RNF19B: variants seen among roughly 807,000 people sequenced by gnomAD.
RNF19B encodes ring finger protein 19B.
Under a neutral mutation model 65.5 loss-of-function variants are expected in RNF19B, and 23 were observed. The ratio of observed to expected loss-of-function variants is 0.35; its 90% confidence interval spans 0.25 to 0.50. RNF19B has a LOEUF of 0.50. Ranked by LOEUF, RNF19B falls within the 20% of genes least tolerant of loss-of-function variation. RNF19B has a pLI of 0.98. For synonymous variants in RNF19B, 372 were observed against 379.6 expected (o/e 0.98, Z 0.23); for missense variants, 794 against 980.0 (o/e 0.81, Z 2.53).
At chr1:32,950,708 TG>T (rs201859938) in intron 1 of RNF19B, among the ~76,000 whole-genome samples, 299 of 152,146 alleles carry the variant, frequency 2.0e-3, no homozygotes, top group African/African-American at 6.9e-3. Flanking sequence ...GGCTAATTTT[TG>T]TAATTTGCAT....
chr1:32,931,831 A>T (rs1358560565), downstream of RNF19B, among the ~76,000 whole-genome samples: 1 of 152,166 alleles, frequency 6.6e-6, no homozygotes, highest in Non-Finnish European at 1.5e-5. Context: ...CAGCCCTTTG[A>T]GGTGCCAACG....
At chr1:32,958,664 C>G (rs745334395) in intron 1 of RNF19B, among the ~76,000 whole-genome samples, 1 of 151,390 alleles carries the variant, frequency 6.6e-6, no homozygotes, top group Admixed American at 6.6e-5. Flanking sequence ...TGCAGTGAGC[C>G]GAGATTGCAC....
At chr1:32,935,276 TAC>T (rs1328531649), downstream of RNF19B, among the ~76,000 whole-genome samples, 2 of 152,042 alleles carry the variant, frequency 1.3e-5, no homozygotes, top group African/African-American at 4.8e-5. Context: ...TAGCTGGAAT[TAC>T]AGACACATGC....
At chr1:32,935,131 ATTATTTTATTTT>A (rs1298461176), downstream of RNF19B, among the ~76,000 whole-genome samples, 1 of 149,192 alleles carries the variant, frequency 6.7e-6, no homozygotes, top group Non-Finnish European at 1.5e-5. Context: ...CGCCCAGCCC[ATTATTTTATTTT>A]TTATTTTATT....
chr1:32,951,996 A>G (rs1449414798), intron 1 of RNF19B, among the ~76,000 whole-genome samples: 1 of 133,508 alleles, frequency 7.5e-6, no homozygotes, highest in Non-Finnish European at 1.6e-5. Context: ...ACAGGGCTTC[A>G]CCATGTTGGC....
chr1:32,958,861 T>A (rs1355473156), intron 1 of RNF19B, among the ~76,000 whole-genome samples: 1 of 152,094 alleles, frequency 6.6e-6, no homozygotes, highest in Non-Finnish European at 1.5e-5. Context: ...GTGATACAGA[T>A]GTTCTCCTTT....
At chr1:32,935,240 C>T (rs1424073453), downstream of RNF19B, among the ~76,000 whole-genome samples, 11 of 148,980 alleles carry the variant, frequency 7.4e-5, no homozygotes, top group South Asian at 1.9e-3. Context: ...CAGGTTCAAG[C>T]GATTCTCCTG....
intron 1 of RNF19B, among the ~76,000 whole-genome samples, chr1:32,956,583 T>A (rs890659220): frequency 4.6e-5 from 7 of 151,952 alleles, no homozygotes; most frequent in Admixed American, 2.0e-4. Flanking sequence ...CTCAAAAAAA[T>A]AAAAAATAAT....
In RNF19B at chr1:32,964,772, G is replaced by T. The variant is rs573221272; in HGVS notation, c.-87C>A. 8.2e-6 allele frequency: 10 copies of T among 1,217,308 alleles called. No homozygotes were observed. The African/African-American group carries it at 1.5e-4, about 18-fold the overall frequency. The allele number at this position is 1,217,308 out of a possible 1,614,324, so 75.4% of individuals were successfully genotyped here. On this transcript the variant is annotated 5_prime_UTR_variant, in exon 1 of 9. Transcript: ENST00000235150. This position sits in a 1 kb window ranked among gnomAD's most constrained non-coding sequence, Gnocchi z 6.5. Reference sequence around the variant, plus strand: ...CCTCAGCCAGCGCCCGGCCGCCGCCGACGCCGCCACCACCGCCTCAACCGC... The same window carrying T: ...CCTCAGCCAGCGCCCGGCCGCCGCCTACGCCGCCACCACCGCCTCAACCGC...
chr1:32,953,430 C>T (rs1642558581), intron 1 of RNF19B, among the ~76,000 whole-genome samples: 1 of 152,054 alleles, frequency 6.6e-6, no homozygotes, highest in Admixed American at 6.6e-5. Flanking sequence ...CTACAGTTTG[C>T]TTGTTTATTT....
chr1:32,950,745 C>G (rs1207993083), intron 1 of RNF19B, among the ~76,000 whole-genome samples: 1 of 151,960 alleles, frequency 6.6e-6, no homozygotes, highest in Non-Finnish European at 1.5e-5. Context: ...CCCCATTGCC[C>G]AGGCTGGTCG....
At chr1:32,929,828 C>G in the RNF19B span, among the ~76,000 whole-genome samples, 1 of 152,138 alleles carries the variant, frequency 6.6e-6, no homozygotes, top group East Asian at 1.9e-4. Context: ...ATCACTACAG[C>G]TCTGTTGCCT....
At chr1:32,938,578 G>C in intron 7 of RNF19B, 50 bp from the exon 8 acceptor site, 1 of 1,581,368 alleles carries the variant, frequency 6.3e-7, no homozygotes, top group East Asian at 2.2e-5. Flanking sequence ...GGTATTCCAA[G>C]ACAGTCTGCT....
At chr1:32,933,399 C>G (rs528843617), downstream of RNF19B, among the ~76,000 whole-genome samples, 1 of 152,036 alleles carries the variant, frequency 6.6e-6, no homozygotes, top group African/African-American at 2.4e-5. Context: ...GGACTACAGG[C>G]GCCCACCACT....
chr1:32,943,955 A>C (rs547048379), intron 6 of RNF19B, 64 bp downstream of exon 6: 12 of 1,511,634 alleles, frequency 7.9e-6, no homozygotes, highest in Non-Finnish European at 1.1e-5. Context: ...AAATGCGCTG[A>C]ATTTTACTGA....
chr1:32,937,382 C>A, intron 8 of RNF19B, 123 bp from the exon 9 acceptor site: 1 of 1,417,116 alleles, frequency 7.1e-7, no homozygotes, highest in South Asian at 1.2e-5. Flanking sequence ...AACTAGAGCT[C>A]ACTTTTAACA....
At chr1:32,932,564 A>G (rs1006436190), downstream of RNF19B, among the ~76,000 whole-genome samples, 3 of 152,200 alleles carry the variant, frequency 2.0e-5, no homozygotes, top group Non-Finnish European at 2.9e-5. Context: ...GTGAGCATAA[A>G]TGAGTATTCA....
rs1570072289 is a variant in RNF19B at position 32,936,817 on chromosome 1, C to T, written c.2185G>A (p.Ala729Thr). ...GCATTCATTCCACTTCATACTCTGG[C>T]TTCTCCACCTTCTGGCTTCAAGACA... ...QTVLKPEGGE[A>T]RV The change falls in exon 9 of 9, where the codon GCC (alanine) becomes ACC (threonine). Residue 729 changes from alanine (A) to threonine (T), a missense_variant. This residue lies in a region of RNF19B where 368 missense variants were observed against 447.3 expected (regional missense o/e 0.82). Coordinates refer to ENST00000235150, the MANE Select transcript of RNF19B (RefSeq NM_001300826.2). The T allele has an allele frequency of 2.6e-6, 4 of 1,566,180 alleles. No homozygotes were observed. In the East Asian group the frequency reaches 6.8e-5, roughly 27 times the overall value.
At chr1:32,938,364 C>G (rs1426160568) in intron 8 of RNF19B, 33 bp downstream of exon 8, 2 of 1,613,532 alleles carry the variant, frequency 1.2e-6, no homozygotes, top group Non-Finnish European at 1.7e-6. Context: ...CGAAAAAATG[C>G]AACCTCTCCT....
Sources: gnomAD v4.1 joint callset for allele counts (sites outside exome capture counted in the v4.1 genomes callset) on GRCh38, gnomAD v4.1.1 for gene constraint, gnomAD v4.1.1 regional missense constraint, Gnocchi (gnomAD v3.1) non-coding constraint, MANE v1.5 for transcripts, NCBI Gene and HGNC (gene_info 2026-07-23, HGNC 2026-07-21) for gene names.